The following ROCK1 variants were observed in gnomAD, a reference collection of about 807,000 sequenced individuals.
ROCK1 encodes Rho associated coiled-coil containing protein kinase 1.
ROCK1 carries 36 observed loss-of-function variants against 196.8 expected under a neutral mutation model. The observed-to-expected ratio is 0.18, with a 90% CI of 0.14 to 0.24. The LOEUF is 0.24. Ranked by LOEUF, ROCK1 falls within the 10% of genes least tolerant of loss-of-function variation. The probability of loss-of-function intolerance (pLI) is 1.00; values close to 1 mark genes in which losing one functional copy is unlikely to be tolerated. For synonymous variants in ROCK1, 443 were observed against 515.9 expected (o/e 0.86, Z 1.91); for missense variants, 920 against 1,562.0 (o/e 0.59, Z 6.93).
chr18:20,951,053 T>C lies in ROCK1; in HGVS notation c.*331A>G, dbSNP rs2035181907. 4.4e-6 allele frequency: 1 copy of C among 226,812 alleles called. No homozygotes were observed. Among genetic ancestry groups the C allele is most frequent in the Non-Finnish European group, 8.6e-6 (1 of 116,900 alleles). 14.0% of individuals were successfully genotyped at this position (226,812 alleles called of 1,614,324 possible). On this transcript the variant is annotated 3_prime_UTR_variant, in exon 33 of 33. Transcript: ENST00000399799. Reference sequence around the variant, plus strand: ...TGAAAGTCCCTTCCTCTTACTCATATGAGGAAAACTCTGTTCTATCACGAC... The same window carrying C: ...TGAAAGTCCCTTCCTCTTACTCATACGAGGAAAACTCTGTTCTATCACGAC...
chr18:20,993,610 T>C (rs902961383), intron 16 of ROCK1, among the ~76,000 whole-genome samples: 8 of 152,302 alleles, frequency 5.3e-5, no homozygotes, highest in Admixed American at 3.3e-4. Context: ...AAAATTACTT[T>C]TAAACTTAAT....
intron 1 of ROCK1, among the ~76,000 whole-genome samples, chr18:21,087,897 AC>A (rs1194553653): frequency 6.6e-6 from 1 of 152,252 alleles, no homozygotes; most frequent in South Asian, 2.1e-4. Flanking sequence ...ACCAAGACAG[AC>A]CACCACATTG....
chr18:21,077,101 G>A (rs1480615037), intron 1 of ROCK1, among the ~76,000 whole-genome samples: 1 of 151,230 alleles, frequency 6.6e-6, no homozygotes, highest in Non-Finnish European at 1.5e-5. Context: ...AGCCTCCCGA[G>A]TAGCTGGGAC....
chr18:21,034,898 T>G (rs141638722), intron 9 of ROCK1, among the ~76,000 whole-genome samples: 2 of 152,168 alleles, frequency 1.3e-5, no homozygotes, highest in African/African-American at 4.8e-5. Context: ...ATATCCAAAA[T>G]TTTTAAAGAA....
intron 13 of ROCK1, among the ~76,000 whole-genome samples, chr18:21,014,882 T>A (rs1299576419): frequency 2.6e-5 from 4 of 152,182 alleles, no homozygotes; most frequent in Non-Finnish European, 5.9e-5. Flanking sequence ...ACTTAGAAGT[T>A]GACTAAGAGG....
chr18:20,971,864 A>T (rs1490949723), intron 22 of ROCK1, among the ~76,000 whole-genome samples: 1 of 152,098 alleles, frequency 6.6e-6, no homozygotes, highest in East Asian at 1.9e-4. Context: ...GAATATGATC[A>T]CTTTTATTAC....
chr18:20,968,547 C>A, intron 25 of ROCK1: 1 of 431,420 alleles, frequency 2.3e-6, no homozygotes, highest in Non-Finnish European at 4.1e-6. Context: ...CTTAAGTGTT[C>A]TGCTGGCCTC....
At chr18:21,082,006 T>C (rs536871930) in intron 1 of ROCK1, among the ~76,000 whole-genome samples, 2 of 152,288 alleles carry the variant, frequency 1.3e-5, no homozygotes, top group African/African-American at 2.4e-5. Flanking sequence ...GGGTGAAGTG[T>C]AGGGGCACAG....
At position 20,967,840 on chromosome 18, in the gene ROCK1, C is replaced by T; in HGVS notation, c.3104G>A (p.Arg1035Gln). ...QDLRKKEKEN[R>Q]KLQLELNQER... is the part of the protein sequence containing the mutation. ...TTGGTTGAGTTCCAGTTGCAGCTTTCGATTTTCCTTTTCTTTCTTTCTCAA... is the reference window on the plus strand; with the variant it reads ...TTGGTTGAGTTCCAGTTGCAGCTTTTGATTTTCCTTTTCTTTCTTTCTCAA... Residue 1035 changes from arginine to glutamine, a missense_variant, in exon 26 of 33, where the codon CGA (arginine) becomes CAA (glutamine). Physicochemically the swap from Arg to Gln is conservative, Grantham distance 43. Coordinates refer to ENST00000399799, the MANE Select transcript of ROCK1 (RefSeq NM_005406.3). The T allele has an allele frequency of 1.2e-6, 2 of 1,610,394 alleles. No individual in the cohort carries two copies. Among genetic ancestry groups the T allele is most frequent in the South Asian group, 1.1e-5 (1 of 89,800 alleles).
chr18:20,968,165 C>A (rs1309468541), intron 25 of ROCK1, among the ~76,000 whole-genome samples: 4 of 152,104 alleles, frequency 2.6e-5, no homozygotes. Context: ...AACTTTACAA[C>A]CCAGTACTGA....
At chr18:21,090,605 C>G (rs1042409186) in intron 1 of ROCK1, among the ~76,000 whole-genome samples, 6 of 152,110 alleles carry the variant, frequency 3.9e-5, no homozygotes, top group Non-Finnish European at 7.3e-5. Flanking sequence ...AAATGTTATC[C>G]CCCGGATAGG....
In ROCK1 at chr18:21,006,526, C is replaced by T. The variant is rs1269839162; in HGVS notation, c.1710G>A (p.Glu570=). 3.7e-6 allele frequency: 6 copies of T among 1,613,876 alleles called. No individual in the cohort carries two copies. Among genetic ancestry groups the T allele is most frequent in the Non-Finnish European group, 5.1e-6 (6 of 1,179,982 alleles). Residue 570 remains glutamate, a synonymous_variant, in exon 16 of 33, where the codon GAG becomes GAA. Transcript: ENST00000399799. ...CTAACTGACTAATTGACTTGCTCAT[C>T]TCTGTGTGACTCTTCCTCAATCTTA... is the stretch of plus-strand genomic sequence containing the variant. ...TAVRLRKSHT[E]MSKSISQLES...
At chr18:21,031,954 T>G (rs1301813883) in intron 9 of ROCK1, among the ~76,000 whole-genome samples, 2 of 151,818 alleles carry the variant, frequency 1.3e-5, no homozygotes, top group East Asian at 3.9e-4. Context: ...AGAAAAAGGA[T>G]GAAAAAGTGA....
At chr18:21,010,211 G>A (rs753859096) in intron 13 of ROCK1, among the ~76,000 whole-genome samples, 15 of 151,800 alleles carry the variant, frequency 9.9e-5, no homozygotes, top group African/African-American at 2.2e-4. Flanking sequence ...TGCTCTTATC[G>A]TTACTTGTCC....
intron 27 of ROCK1, among the ~76,000 whole-genome samples, chr18:20,963,450 G>A (rs1225731458): frequency 6.6e-6 from 1 of 151,868 alleles, no homozygotes; most frequent in Non-Finnish European, 1.5e-5. Context: ...CAACAAGTCA[G>A]ATACACCAAC....
At chr18:21,109,080 C>T (rs1236612324) in intron 1 of ROCK1, among the ~76,000 whole-genome samples, 4 of 152,182 alleles carry the variant, frequency 2.6e-5, no homozygotes, top group Non-Finnish European at 5.9e-5. Context: ...TACTTTGGCT[C>T]TCTCAACTCA....
intron 1 of ROCK1, among the ~76,000 whole-genome samples, chr18:21,099,767 G>A (rs772527874): frequency 2.0e-5 from 3 of 151,732 alleles, no homozygotes; most frequent in Non-Finnish European, 4.4e-5. Flanking sequence ...GGGCGCAGTG[G>A]CTCATGCCTG....
chr18:21,045,359 C>A lies in ROCK1; in HGVS notation c.523G>T (p.Ala175Ser). 6.2e-7 allele frequency: 1 copy of A among 1,613,816 alleles called. No individual in the cohort carries two copies. The highest frequency in any genetic ancestry group is 8.5e-7 in the Non-Finnish European group (1 of 1,179,936). The change falls in exon 5 of 33, where the codon GCA (alanine) becomes TCA (serine). Residue 175 changes from alanine (A) to serine (S), a missense_variant. Transcript: ENST00000399799. ...MSNYDVPEKW[A>S]RFYTAEVVLA... ...ACTACTTCTGCAGTATAGAATCGTG[C>A]CCATTTTTCAGGCACATCATAGTTG...
At chr18:21,045,213 C>G (rs577887219) in intron 5 of ROCK1, 79 bp downstream of exon 5, 1 of 1,280,228 alleles carries the variant, frequency 7.8e-7, no homozygotes, top group South Asian at 1.5e-5. Flanking sequence ...AATGGGTGAA[C>G]TGAGAGTAAG....
Sources: gnomAD v4.1 joint callset for allele counts (sites outside exome capture counted in the v4.1 genomes callset) on GRCh38, gnomAD v4.1.1 for gene constraint, MANE v1.5 for transcripts, NCBI Gene and HGNC (gene_info 2026-07-23, HGNC 2026-07-21) for gene names.